PRPF3: variants seen among roughly 807,000 people sequenced by gnomAD.
The protein encoded by PRPF3 is U4/U6 small nuclear ribonucleoprotein Prp3.
In PRPF3, 3 loss-of-function variants were observed where a neutral mutation model predicts 89.2. The observed-to-expected ratio is 0.03, with a 90% confidence interval of 0.02 to 0.09. The LOEUF (loss-of-function observed/expected upper bound fraction) is 0.09, where lower values mean the gene tolerates loss of function less well. Among genes scored for constraint, PRPF3 ranks in the 10% least tolerant of loss-of-function variants. The probability of loss-of-function intolerance (pLI) is 1.00; values close to 1 mark genes in which losing one functional copy is unlikely to be tolerated. For synonymous variants in PRPF3, 270 were observed against 289.1 expected (o/e 0.93, Z 0.67); for missense variants, 463 against 828.8 (o/e 0.56, Z 5.42).
chr1:150,343,928 T>C (rs1293184452), intron 10 of PRPF3, among the ~76,000 whole-genome samples: 1 of 152,198 alleles, frequency 6.6e-6, no homozygotes, highest in African/African-American at 2.4e-5. Context: ...TCCACGTCCT[T>C]CATAAATTTT....
At chr1:150,322,902 T>C (rs1321914813) in intron 1 of PRPF3, among the ~76,000 whole-genome samples, 1 of 149,268 alleles carries the variant, frequency 6.7e-6, no homozygotes, top group Admixed American at 6.7e-5. Context: ...CGGGACGGAG[T>C]CTTGCTCTGT....
At chr1:150,340,507 T>C (rs1184029042) in intron 9 of PRPF3, 30 bp downstream of exon 9, 2 of 1,505,388 alleles carry the variant, frequency 1.3e-6, no homozygotes, top group Non-Finnish European at 1.8e-6. Flanking sequence ...ATCAAGTCTC[T>C]AGAGCAGCAT....
At chr1:150,326,753 T>C (rs587596311) in intron 3 of PRPF3, among the ~76,000 whole-genome samples, 2 of 151,992 alleles carry the variant, frequency 1.3e-5, no homozygotes, top group African/African-American at 4.8e-5. Flanking sequence ...GAAGGAGAGA[T>C]AGTCCTTGCC....
intron 15 of PRPF3, among the ~76,000 whole-genome samples, chr1:150,351,142 A>G (rs749754441): frequency 1.3e-5 from 2 of 151,632 alleles, no homozygotes; most frequent in African/African-American, 4.8e-5. Context: ...GCCAGTGCCT[A>G]TAATCCCAGC....
intron 15 of PRPF3, among the ~76,000 whole-genome samples, chr1:150,349,483 A>G (rs1321780536): frequency 6.6e-6 from 1 of 152,208 alleles, no homozygotes; most frequent in Non-Finnish European, 1.5e-5. Flanking sequence ...TTCTCTACCG[A>G]AAATTATTTA....
chr1:150,339,776 C>T (rs1352344429), intron 8 of PRPF3, among the ~76,000 whole-genome samples: 4 of 135,396 alleles, frequency 3.0e-5, no homozygotes, highest in African/African-American at 8.3e-5. Context: ...CAGAGTCTCA[C>T]TCTGTTGCAC....
In PRPF3 at chr1:150,332,702, G is replaced by A; in HGVS notation, c.442G>A (p.Ala148Thr). The A allele has an allele frequency of 6.2e-7, 1 of 1,614,104 alleles. No individual in the cohort carries two copies. The change falls in exon 5 of 16, where the codon GCA (alanine) becomes ACA (threonine). Residue 148 changes from alanine to threonine, a missense_variant. Around this residue, in one of 8 missense-constraint regions of PRPF3, gnomAD observed 38 missense variants for 48.3 expected, o/e 0.79. Coordinates refer to ENST00000324862, the MANE Select transcript of PRPF3 (RefSeq NM_004698.4). ...AGAGCAGATCAAACAGATGATGGAG[G>A]CAGCAACACGACAAATCGAGGAGAG... The part of the protein sequence containing the change: ...TKLQIKQMME[A>T]ATRQIEERKK...
chr1:150,344,324 G>A, intron 11 of PRPF3, 63 bp downstream of exon 11: 1 of 1,613,728 alleles, frequency 6.2e-7, no homozygotes, highest in Non-Finnish European at 8.5e-7. Context: ...CTTCTGGGGG[G>A]TCCATATTTG....
At position 150,346,501 on chromosome 1, in the gene PRPF3, G is replaced by T; in HGVS notation, c.1843+10G>T. The T allele has an allele frequency of 1.9e-6, 3 of 1,604,694 alleles. No individual in the cohort carries two copies. Among genetic ancestry groups the T allele is most frequent in the Non-Finnish European group, 2.6e-6 (3 of 1,171,498 alleles). On this transcript the variant is annotated intron_variant, in intron 14 of 15. Coordinates refer to ENST00000324862, the MANE Select transcript of PRPF3 (RefSeq NM_004698.4). The stretch of plus-strand genomic sequence containing the variant: ...AACACAAAGGGAGATGGTGAATGGG[G>T]GTTAGAGGGGATTAAGGGGGAGAGC...
At chr1:150,337,102 G>A (rs1280495930) in intron 7 of PRPF3, among the ~76,000 whole-genome samples, 9 of 146,006 alleles carry the variant, frequency 6.2e-5, no homozygotes, top group East Asian at 4.2e-4. Flanking sequence ...GCAGTGGCAC[G>A]ATCTCAGCTC....
chr1:150,338,434 A>T, intron 8 of PRPF3, 108 bp downstream of exon 8: 1 of 1,094,114 alleles, frequency 9.1e-7, no homozygotes, highest in Non-Finnish European at 1.4e-6. Context: ...GAAGGATGGT[A>T]CTCATTCATT....
At chr1:150,340,922 A>G (rs1657625175) in intron 9 of PRPF3, among the ~76,000 whole-genome samples, 1 of 151,804 alleles carries the variant, frequency 6.6e-6, no homozygotes. Flanking sequence ...TCTAGGCAAC[A>G]TGGCAAAACC....
intron 9 of PRPF3, among the ~76,000 whole-genome samples, chr1:150,342,346 C>T (rs1657839701): frequency 6.6e-6 from 1 of 151,998 alleles, no homozygotes. Context: ...CGCCACTGCA[C>T]TCCAGCCTGG....
intron 15 of PRPF3, among the ~76,000 whole-genome samples, chr1:150,352,113 T>C (rs1367907862): frequency 6.6e-6 from 1 of 152,178 alleles, no homozygotes; most frequent in Non-Finnish European, 1.5e-5. Context: ...TGCTGGTACC[T>C]GCTCTTCTTC....
intron 1 of PRPF3, among the ~76,000 whole-genome samples, chr1:150,323,066 G>A (rs143434984): frequency 0.017 from 2,584 of 151,028 alleles, 74 homozygotes; most frequent in African/African-American, 0.057. Flanking sequence ...ATAGGGATGC[G>A]GTTTCACCAT....
intron 14 of PRPF3, among the ~76,000 whole-genome samples, chr1:150,347,360 C>G (rs1658396219): frequency 6.6e-6 from 1 of 151,974 alleles, no homozygotes; most frequent in Non-Finnish European, 1.5e-5. Context: ...TGTACATACT[C>G]ACACATATGC....
rs782750545 is a variant in PRPF3, at chr1:150,334,995, C to T, written c.789C>T (p.Arg263=). 1.2e-6 allele frequency: 2 copies of T among 1,614,068 alleles called. No homozygotes were observed. Among genetic ancestry groups the T allele is most frequent in the South Asian group, 2.2e-5 (2 of 91,082 alleles). Residue 263 remains arginine, a synonymous_variant, in exon 7 of 16, where the codon CGC becomes CGT. Coordinates refer to ENST00000324862, the MANE Select transcript of PRPF3 (RefSeq NM_004698.4). ...CACTGATCCTGGATGAGCAAGGGCG[C>T]ACTGTAGATGCAACAGGCAAGGAGA... ...PTPLILDEQG[R]TVDATGKEIE... is the part of the protein sequence containing the mutation.
chr1:150,346,181 G>A (rs1268426937), intron 13 of PRPF3, 45 bp downstream of exon 13: 1 of 1,515,926 alleles, frequency 6.6e-7, no homozygotes, highest in African/African-American at 1.4e-5. Context: ...GACAACCCTA[G>A]GCTTAGAGTG....
At chr1:150,351,701 G>T (rs1658948528) in intron 15 of PRPF3, among the ~76,000 whole-genome samples, 2 of 108,560 alleles carry the variant, frequency 1.8e-5, no homozygotes, top group Admixed American at 1.0e-4. Flanking sequence ...TTTAGAAATG[G>T]ATCTCACTAT....
Sources: allele counts gnomAD v4.1 joint callset (sites outside exome capture counted in the v4.1 genomes callset), GRCh38; gene constraint gnomAD v4.1.1; regional missense constraint gnomAD v4.1.1; transcripts MANE v1.5; gene names NCBI Gene and HGNC (gene_info 2026-07-23, HGNC 2026-07-21).